The following SYNJ1 variants were observed in gnomAD, a reference collection of about 807,000 sequenced individuals.
The protein encoded by SYNJ1 is synaptojanin 1, also known as polyphosphatidylinositol phosphatase SYNJ1.
Under a neutral mutation model 168.2 loss-of-function variants are expected in SYNJ1, and 78 were observed. The observed-to-expected ratio is 0.46, with a 90% CI of 0.39 to 0.56. The LOEUF (loss-of-function observed/expected upper bound fraction) is 0.56. SYNJ1 is among the 20% of genes least tolerant of loss of function. The pLI is 0.00. For synonymous variants in SYNJ1, 539 were observed against 548.6 expected (o/e 0.98, Z 0.24); for missense variants, 1,303 against 1,597.6 (o/e 0.82, Z 3.14).
intron 15 of SYNJ1, among the ~76,000 whole-genome samples, chr21:32,668,020 T>C (rs1019068121): frequency 6.8e-6 from 1 of 147,192 alleles, no homozygotes; most frequent in Non-Finnish European, 1.5e-5. Context: ...TGTGTGTGTG[T>C]GTGTGTGTGT....
chr21:32,659,924 G>T (rs992904430), intron 18 of SYNJ1, among the ~76,000 whole-genome samples: 2 of 152,184 alleles, frequency 1.3e-5, no homozygotes, highest in African/African-American at 2.4e-5. Flanking sequence ...CCCTGTGGGG[G>T]ACTCCGGCCA....
chr21:32,662,244 C>T (rs988280462), intron 18 of SYNJ1, among the ~76,000 whole-genome samples: 38 of 152,128 alleles, frequency 2.5e-4, no homozygotes, highest in African/African-American at 8.2e-4. Flanking sequence ...GGAGAATCAT[C>T]GTGGGACTCA....
At chr21:32,711,546 G>A (rs1192035885) in intron 2 of SYNJ1, among the ~76,000 whole-genome samples, 1 of 151,998 alleles carries the variant, frequency 6.6e-6, no homozygotes, top group East Asian at 1.9e-4. Flanking sequence ...TGGCCAGGAT[G>A]GTCTCGATCT....
intron 22 of SYNJ1, among the ~76,000 whole-genome samples, chr21:32,652,227 G>A (rs2040297934): frequency 6.7e-6 from 1 of 148,872 alleles, no homozygotes; most frequent in African/African-American, 2.5e-5. Context: ...TTGAGACAGA[G>A]TCTCGCTCTG....
chr21:32,702,020 C>T lies in SYNJ1; in HGVS notation c.152G>A (p.Gly51Asp), dbSNP rs1399970401. Reference sequence around the variant, plus strand: ...TGCATCCAGTACTTTGGAGTATGTACCCTTGATTGCCTCTTTTTCTGCAGA... The same window carrying T: ...TGCATCCAGTACTTTGGAGTATGTATCCTTGATTGCCTCTTTTTCTGCAGA... ...LSSAEKEAIKGTYSKVLDAYG... is the reference protein window; with the variant it reads ...LSSAEKEAIKDTYSKVLDAYG... The change falls in exon 3 of 33, where the codon GGT becomes GAT. Residue 51 changes from glycine (G) to aspartate (D), a missense_variant. Gly to Asp is a moderately conservative substitution (Grantham distance 94). Coordinates refer to ENST00000674351, the MANE Select transcript of SYNJ1 (RefSeq NM_203446.3). 4 of 1,562,430 alleles carry T rather than the reference C, an allele frequency of 2.6e-6. No individual in the cohort carries two copies. Among genetic ancestry groups the T allele is most frequent in the South Asian group, 1.2e-5 (1 of 80,910 alleles).
At chr21:32,631,864 C>T (rs1359071168) in intron 32 of SYNJ1, 63 bp from the exon 33 acceptor site, 1 of 1,399,340 alleles carries the variant, frequency 7.1e-7, no homozygotes, top group Non-Finnish European at 9.7e-7. Context: ...CCCTATTCTT[C>T]CTGTCTCAAT....
intron 6 of SYNJ1, among the ~76,000 whole-genome samples, chr21:32,689,321 G>A (rs145535438): frequency 3.9e-5 from 6 of 152,232 alleles, no homozygotes; most frequent in Admixed American, 6.5e-5. Context: ...TGTGGGGGAC[G>A]GAGTCTCACT....
At position 32,631,086 on chromosome 21, in the gene SYNJ1, G is replaced by T; in HGVS notation, c.*719C>A. 1 of 1,614,220 alleles carries T rather than the reference G, an allele frequency of 6.2e-7. No homozygotes were observed. Among genetic ancestry groups the T allele is most frequent in the Non-Finnish European group, 8.5e-7 (1 of 1,180,046 alleles). On this transcript the variant is annotated 3_prime_UTR_variant, in exon 33 of 33. Transcript: ENST00000674351. ...AGGGCTGGTGCCGGGCGGGAGCAGA[G>T]GGACAGGAGGTGGAGGAGGTCTTCT...
rs1053963337 is a variant in SYNJ1, at chr21:32,704,262, T to G, written c.125-2215A>C. On this transcript the variant is annotated intron_variant, in intron 2 of 32. Transcript: ENST00000674351. ...AGTTATTTACATGTTTGTATTCTAT[T>G]CGGACACTCAGGAAACAGGATACAC... Among the ~76,000 whole-genome samples, 12 of 152,254 alleles carry G rather than the reference T, an allele frequency of 7.9e-5. No homozygotes were observed. In the East Asian group the frequency reaches 2.3e-3, roughly 29 times the overall value.
At chr21:32,702,500 C>T (rs2042441804) in intron 2 of SYNJ1, among the ~76,000 whole-genome samples, 1 of 152,068 alleles carries the variant, frequency 6.6e-6, no homozygotes, top group African/African-American at 2.4e-5. Flanking sequence ...GAATAATTTT[C>T]CTAAGACAGG....
intron 2 of SYNJ1, among the ~76,000 whole-genome samples, chr21:32,713,990 T>A (rs545782002): frequency 6.6e-6 from 1 of 152,366 alleles, no homozygotes; most frequent in South Asian, 2.1e-4. Context: ...ATGCTAGTAA[T>A]AATATTCTAT....
In SYNJ1 at chr21:32,629,822, T is replaced by C. The variant is rs2039253671; in HGVS notation, c.*1983A>G. 2 of 152,698 alleles carry C rather than the reference T, an allele frequency of 1.3e-5. No individual in the cohort carries two copies. The highest frequency in any genetic ancestry group is 4.8e-5 in the African/African-American group (2 of 41,594). 9.5% of individuals were successfully genotyped at this position (152,698 alleles called of 1,614,324 possible). Reference sequence around the variant, plus strand: ...AATAAAAGCGGGATCAGTTGCATATTGGCAGTGCAGGAGACAAAATCCGCA... The same window carrying C: ...AATAAAAGCGGGATCAGTTGCATATCGGCAGTGCAGGAGACAAAATCCGCA... On this transcript the variant is annotated 3_prime_UTR_variant, in exon 33 of 33. Coordinates refer to ENST00000674351, the MANE Select transcript of SYNJ1 (RefSeq NM_203446.3).
At chr21:32,659,684 G>C (rs1233929315) in intron 18 of SYNJ1, among the ~76,000 whole-genome samples, 1 of 152,178 alleles carries the variant, frequency 6.6e-6, no homozygotes, top group Non-Finnish European at 1.5e-5. Context: ...GGAGTTGTAA[G>C]CCCTTAAAAG....
intron 2 of SYNJ1, among the ~76,000 whole-genome samples, chr21:32,711,142 A>G (rs2042814223): frequency 6.6e-6 from 1 of 152,186 alleles, no homozygotes; most frequent in Non-Finnish European, 1.5e-5. Flanking sequence ...AGGGAGCCCC[A>G]ACCTACAACT....
chr21:32,722,925 G>A (rs771228233), intron 2 of SYNJ1, among the ~76,000 whole-genome samples: 2 of 152,120 alleles, frequency 1.3e-5, no homozygotes, highest in Non-Finnish European at 2.9e-5. Flanking sequence ...GGTTATTTTG[G>A]ATAAAATCTG....
rs893995227 is a variant in SYNJ1 at position 32,681,268 on chromosome 21, G to C, written c.1353+228C>G. Among the ~76,000 whole-genome samples, 5 of 152,200 alleles carry C rather than the reference G, an allele frequency of 3.3e-5. No homozygotes were observed. In the South Asian group the frequency reaches 8.3e-4, roughly 25 times the overall value. On this transcript the variant is annotated intron_variant, in intron 11 of 32. Coordinates refer to ENST00000674351, the MANE Select transcript of SYNJ1 (RefSeq NM_203446.3). ...GGATTGTCACTAAATGACTAGATAC[G>C]TTATATATACATACTTCCCAAACTT...
intron 2 of SYNJ1, among the ~76,000 whole-genome samples, chr21:32,705,904 T>C (rs1380145701): frequency 6.6e-6 from 1 of 152,104 alleles, no homozygotes; most frequent in Non-Finnish European, 1.5e-5. Context: ...GGAAGGTTGA[T>C]TGAGCCTGGG....
chr21:32,687,139 TA>T (rs2041863378), intron 7 of SYNJ1, 65 bp from the exon 8 acceptor site: 3 of 795,382 alleles, frequency 3.8e-6, no homozygotes, highest in Middle Eastern at 2.8e-4. Context: ...CAATAAACAA[TA>T]ATCCATTATT....
chr21:32,727,838 G>C, intron 1 of SYNJ1, 108 bp downstream of exon 1: 1 of 1,492,012 alleles, frequency 6.7e-7, no homozygotes, highest in African/African-American at 1.4e-5. Context: ...GCCCCTCACC[G>C]CTCCCGCTGA....
Sources: gnomAD v4.1 joint callset for allele counts (sites outside exome capture counted in the v4.1 genomes callset) on GRCh38, gnomAD v4.1.1 for gene constraint, MANE v1.5 for transcripts, NCBI Gene and HGNC (gene_info 2026-07-23, HGNC 2026-07-21) for gene names.